Variants in PHF21A observed in about 807,000 individuals in gnomAD.
The protein encoded by PHF21A is BHC80a.
PHF21A carries 11 observed loss-of-function variants against 82.5 expected under a neutral mutation model. The observed-to-expected ratio is 0.13, with a 90% CI of 0.08 to 0.22. The LOEUF (loss-of-function observed/expected upper bound fraction) is 0.22. Among genes scored for constraint, PHF21A ranks in the 10% least tolerant of loss-of-function variants. The pLI is 1.00. For synonymous variants in PHF21A, 297 were observed against 302.8 expected, an observed-to-expected ratio of 0.98 and a Z score of 0.20; for missense variants, 579 against 837.8, an observed-to-expected ratio of 0.69 and a Z score of 3.81.
chr11:45,949,044 G>A, intron 13 of PHF21A, 98 bp from the exon 14 acceptor site: 1 of 934,050 alleles, frequency 1.1e-6, no homozygotes, highest in South Asian at 1.3e-5. Context: ...CTGTCAACAT[G>A]CCGACTAGTT....
intron 6 of PHF21A, among the ~76,000 whole-genome samples, chr11:46,018,567 T>C (rs2095565238): frequency 6.6e-6 from 1 of 152,254 alleles, no homozygotes; most frequent in Non-Finnish European, 1.5e-5. Flanking sequence ...GCATAATTTA[T>C]GTGTCCATTT....
chr11:46,112,560 A>G (rs2097229352), intron 1 of PHF21A, among the ~76,000 whole-genome samples: 1 of 152,198 alleles, frequency 6.6e-6, no homozygotes, highest in South Asian at 2.1e-4. Context: ...AAGACATTTC[A>G]CCTCTTTCTC....
chr11:46,072,126 C>A (rs986427852), intron 6 of PHF21A, among the ~76,000 whole-genome samples: 11 of 152,152 alleles, frequency 7.2e-5, no homozygotes, highest in African/African-American at 2.7e-4. Context: ...AAATAGTAAT[C>A]CTACAGATAC....
Position 45,934,096 on chromosome 11 carries a change from T to C in PHF21A, c.1918A>G (p.Thr640Ala). 1.9e-6 allele frequency: 3 copies of C among 1,614,096 alleles called. No homozygotes were observed. Among genetic ancestry groups the C allele is most frequent in the East Asian group, 2.2e-5 (1 of 44,880 alleles). ...DLSKPVDSEA[T>A]VGAISNGPDC... is the part of the protein sequence containing the mutation. The stretch of plus-strand genomic sequence containing the variant: ...GGGCCATTGGAGATGGCCCCCACAG[T>C]GGCCTCAGAGTCTACAGGTTTGGAG... The change falls in exon 19 of 19, where the codon ACT becomes GCT. Residue 640 changes from threonine to alanine, a missense_variant. Physicochemically the swap from Thr to Ala is moderately conservative, Grantham distance 58. This residue lies in a region of PHF21A where 157 missense variants were observed against 149.4 expected (regional missense o/e 1.05). Transcript: ENST00000676320.
At chr11:46,028,029 T>C (rs1317901128) in intron 6 of PHF21A, among the ~76,000 whole-genome samples, 2 of 152,122 alleles carry the variant, frequency 1.3e-5, no homozygotes, top group African/African-American at 4.8e-5. Flanking sequence ...TTTGCTACAG[T>C]TGAAATTTAA....
At position 45,932,712 on chromosome 11, in the gene PHF21A, T is replaced by A. The variant is rs890191971; in HGVS notation, c.*1256A>T. On this transcript the variant is annotated 3_prime_UTR_variant, in exon 19 of 19. Transcript: ENST00000676320. The surrounding 1 kb of genome is among the most constrained non-coding windows in gnomAD (Gnocchi z 4.3). ...ATATCTTTTATTTTCCTTTTTAATT[T>A]AAAAAAAAGTTTTTTTTCCCCAGAT... 4 of 152,406 alleles carry A rather than the reference T, an allele frequency of 2.6e-5. No homozygotes were observed. The highest frequency in any genetic ancestry group is 6.6e-5 in the Admixed American group (1 of 15,244). The allele number at this position is 152,406 out of a possible 1,614,324, so 9.4% of individuals were successfully genotyped here.
chr11:45,987,251 A>AATAT (rs1555052247), intron 6 of PHF21A, among the ~76,000 whole-genome samples: 2 of 148,446 alleles, frequency 1.3e-5, no homozygotes, highest in Admixed American at 1.4e-4. Flanking sequence ...ATCATAAATA[A>AATAT]ATGTATGTAT....
chr11:46,094,395 CAGCT>C (rs1469065682), intron 1 of PHF21A, among the ~76,000 whole-genome samples: 1 of 152,180 alleles, frequency 6.6e-6, no homozygotes, highest in East Asian at 1.9e-4. Flanking sequence ...AAAGGTCACT[CAGCT>C]AGCTGATAGT....
rs149863118 is a variant in PHF21A at position 45,979,757 on chromosome 11, T to C, written c.360+3A>G. The C allele has an allele frequency of 3.2e-4, 511 of 1,613,574 alleles. 2 individuals are homozygous for C. The African/African-American group carries it at 5.9e-3, about 19-fold the overall frequency. On this transcript the variant is annotated splice_donor_region_variant and intron_variant, in intron 7 of 18. Transcript: ENST00000676320. ...GCCTGCAATGTTCCATCCACACATT[T>C]ACCTGTGAAGCAGTCAGGTTGGGAG...
At chr11:45,964,450 C>G (rs529944822) in intron 10 of PHF21A, among the ~76,000 whole-genome samples, 2 of 152,270 alleles carry the variant, frequency 1.3e-5, no homozygotes, top group South Asian at 2.1e-4. Context: ...AGCATCTGAA[C>G]AGCCTCTCTG....
At position 45,935,271 on chromosome 11, in the gene PHF21A, C is replaced by G. The variant is rs900888523; in HGVS notation, c.1788+365G>C. On this transcript the variant is annotated intron_variant, in intron 18 of 18. Coordinates refer to ENST00000676320, the MANE Select transcript of PHF21A (RefSeq NM_001352027.3). The stretch of plus-strand genomic sequence containing the variant: ...ACTAGGAAGAATCACACGAGGGGAC[C>G]TGGTCTGTGTCTGCTCAGTGTCAGG... 2.0e-5 allele frequency: 26 copies of G among 1,306,910 alleles called. No individual in the cohort carries two copies. In the Admixed American group the frequency reaches 5.9e-4, roughly 30 times the overall value. The allele number at this position is 1,306,910 out of a possible 1,614,324, so 81.0% of individuals were successfully genotyped here.
intron 7 of PHF21A, among the ~76,000 whole-genome samples, chr11:45,978,612 G>A (rs573994088): frequency 2.0e-5 from 3 of 152,254 alleles, no homozygotes; most frequent in Non-Finnish European, 2.9e-5. Context: ...AGGTATCCAC[G>A]CTTAGGTTTC....
rs1025689634 is a variant in PHF21A, at chr11:45,930,092, G to C, written c.*3876C>G. The C allele has an allele frequency of 2.0e-5, 3 of 152,248 alleles. No homozygotes were observed. The East Asian group carries it at 5.8e-4, about 29-fold the overall frequency. The allele number at this position is 152,248 out of a possible 1,614,324, so 9.4% of individuals were successfully genotyped here. On this transcript the variant is annotated 3_prime_UTR_variant, in exon 19 of 19. Transcript: ENST00000676320. ...AAAGTCTCCTAAATTCAGCCCTTTAGATAAATAAGAAGGACCACGCCCTAT... is the reference window on the plus strand; with the variant it reads ...AAAGTCTCCTAAATTCAGCCCTTTACATAAATAAGAAGGACCACGCCCTAT...
chr11:46,013,888 T>C (rs906166966), intron 6 of PHF21A, among the ~76,000 whole-genome samples: 1 of 152,220 alleles, frequency 6.6e-6, no homozygotes, highest in African/African-American at 2.4e-5. Flanking sequence ...TTGTACTGGG[T>C]GAGTCAGTGA....
chr11:46,002,152 T>A (rs2095152109), intron 6 of PHF21A, among the ~76,000 whole-genome samples: 1 of 152,214 alleles, frequency 6.6e-6, no homozygotes, highest in African/African-American at 2.4e-5. Context: ...GAAAAATTAC[T>A]ACTTCACTTA....
Position 45,971,905 on chromosome 11 carries a change from T to TTTTTTTTTTTTTTTTTTTTTTTA in PHF21A, c.361-539_361-538insTAAAAAAAAAAAAAAAAAAAAAA, listed in dbSNP as rs1452859819. Among the ~76,000 whole-genome samples, 199 of 89,746 alleles carry TTTTTTTTTTTTTTTTTTTTTTTA rather than the reference T, an allele frequency of 2.2e-3. 26 individuals are homozygous for TTTTTTTTTTTTTTTTTTTTTTTA. Among genetic ancestry groups the TTTTTTTTTTTTTTTTTTTTTTTA allele is most frequent in the East Asian group, 6.8e-3 (9 of 1,332 alleles). The allele number at this position is 89,746 out of a possible 152,430, so 58.9% of individuals were successfully genotyped here. The stretch of plus-strand genomic sequence containing the variant: ...CTTTTTCTTTCTTTTTTTTTTTTTT[T>TTTTTTTTTTTTTTTTTTTTTTTA]ATGGTGTCACCCTGGAGAGAAGGAA... On this transcript the variant is annotated intron_variant, in intron 7 of 18. Coordinates refer to ENST00000676320, the MANE Select transcript of PHF21A (RefSeq NM_001352027.3).
At chr11:46,054,037 C>T (rs2096411774) in intron 6 of PHF21A, among the ~76,000 whole-genome samples, 1 of 152,026 alleles carries the variant, frequency 6.6e-6, no homozygotes. Flanking sequence ...CAAGCAACGT[C>T]GTGGCAGTGG....
intron 6 of PHF21A, among the ~76,000 whole-genome samples, chr11:46,065,633 T>A (rs2096585046): frequency 6.6e-6 from 1 of 152,164 alleles, no homozygotes; most frequent in Admixed American, 6.5e-5. Flanking sequence ...AATTATAACA[T>A]CTATATTACA....
chr11:46,060,302 A>T lies in PHF21A; in HGVS notation c.153+16452T>A, dbSNP rs117320749. ...CATAAGCCACTACACCCCAACCATG[A>T]ATTACTTTTATAAACTTTTGAAAAA... is the stretch of plus-strand genomic sequence containing the variant. On this transcript the variant is annotated intron_variant, in intron 6 of 18. Transcript: ENST00000676320. Among the ~76,000 whole-genome samples the T allele has an allele frequency of 6.6e-3, 1,000 of 152,284 alleles. 9 individuals are homozygous for T. The highest frequency in any genetic ancestry group is 0.025 in the South Asian group (119 of 4,828).
Sources: allele counts gnomAD v4.1 joint callset (sites outside exome capture counted in the v4.1 genomes callset), GRCh38; gene constraint gnomAD v4.1.1; regional missense constraint gnomAD v4.1.1; non-coding constraint Gnocchi (gnomAD v3.1); transcripts MANE v1.5; gene names NCBI Gene and HGNC (gene_info 2026-07-23, HGNC 2026-07-21).